The following CD36 variants were observed in gnomAD, a reference collection of about 807,000 sequenced individuals.
CD36 encodes the protein CD36 molecule (CD36 blood group).
Under a neutral mutation model 55.2 loss-of-function variants are expected in CD36, and 119 were observed. The ratio of observed to expected loss-of-function variants is 2.15; its 90% confidence interval spans 1.86 to 2.51. The LOEUF (loss-of-function observed/expected upper bound fraction) is 2.51. Ranked by LOEUF, CD36 falls within the 30% of genes most tolerant of loss-of-function variation. The probability of loss-of-function intolerance (pLI) is 0.00; values close to 1 mark genes in which losing one functional copy is unlikely to be tolerated. For synonymous variants in CD36, 186 were observed against 193.6 expected, an observed-to-expected ratio of 0.96 and a Z score of 0.33; for missense variants, 819 against 555.5, an observed-to-expected ratio of 1.47 and a Z score of -4.77.
chr7:80,608,205 A>G (rs1368618838), intron 1 of CD36, among the ~76,000 whole-genome samples: 1 of 152,222 alleles, frequency 6.6e-6, no homozygotes, highest in Non-Finnish European at 1.5e-5. Flanking sequence ...CCTGCAAATT[A>G]TTTTAAAATA....
intron 3 of CD36, among the ~76,000 whole-genome samples, chr7:80,650,132 A>G (rs1010427681): frequency 4.0e-5 from 6 of 150,750 alleles, no homozygotes; most frequent in African/African-American, 1.2e-4. Context: ...TTCAAACTCA[A>G]GGAGGTGGTA....
intron 3 of CD36, among the ~76,000 whole-genome samples, chr7:80,648,427 T>G (rs3211813): frequency 0.013 from 1,977 of 152,286 alleles, 49 homozygotes; most frequent in African/African-American, 0.043. Flanking sequence ...TAACTGAGTA[T>G]TGATGATTTA....
chr7:80,672,806 C>T lies in CD36; in HGVS notation c.1162C>T (p.Gln388Ter). ...CACTTTACAATTTGCAAAACGGCTGCAGGTCAACCTATTGGTCAAGCCATC... is the reference window on the plus strand; with the variant it reads ...CACTTTACAATTTGCAAAACGGCTGTAGGTCAACCTATTGGTCAAGCCATC... Reference protein sequence around the residue: ...GFTLQFAKRLQVNLLVKPSEK... With the variant: ...GFTLQFAKRL The change falls in exon 12 of 15, where the codon CAG (glutamine) becomes TAG (stop). Residue 388 changes from glutamine to a stop codon, truncating the protein, a stop_gained. Transcript: ENST00000447544. LOFTEE classifies it high-confidence loss of function. 1.2e-6 allele frequency: 2 copies of T among 1,610,774 alleles called. No homozygotes were observed. Among genetic ancestry groups the T allele is most frequent in the Non-Finnish European group, 1.7e-6 (2 of 1,178,048 alleles).
chr7:80,672,479 A>ATCTGAGATCTTATATT (rs1273263120), intron 11 of CD36, among the ~76,000 whole-genome samples: 1 of 151,836 alleles, frequency 6.6e-6, no homozygotes, highest in African/African-American at 2.4e-5. Context: ...ACCAGGAATT[A>ATCTGAGATCTTATATT]TCTGAGATCT....
At position 80,677,615 on chromosome 7, in the gene CD36, AAGATATTAAT is replaced by A. The variant is rs1440249789; in HGVS notation, c.*1234_*1243del. On this transcript the variant is annotated 3_prime_UTR_variant, in exon 15 of 15. Coordinates refer to ENST00000447544, the MANE Select transcript of CD36 (RefSeq NM_001001548.3). ...GGGAAGATAAAAGAAGTATCTGTCC[AAGATATTAAT>A]ATGTAAGATAACATTGTAGACATGT... is the stretch of plus-strand genomic sequence containing the variant. The A allele has an allele frequency of 6.6e-6, 1 of 152,200 alleles. No homozygotes were observed. Among genetic ancestry groups the A allele is most frequent in the Non-Finnish European group, 1.5e-5 (1 of 68,032 alleles). 9.4% of individuals were successfully genotyped at this position (152,200 alleles called of 1,614,324 possible).
At chr7:80,657,820 AGTT>A (rs1796210721) in intron 4 of CD36, among the ~76,000 whole-genome samples, 3 of 152,220 alleles carry the variant, frequency 2.0e-5, no homozygotes, top group African/African-American at 7.2e-5. Context: ...AATCACAACT[AGTT>A]ATACACCATG....
chr7:80,613,192 TTAC>T (rs1157400463), intron 1 of CD36, among the ~76,000 whole-genome samples: 1 of 152,104 alleles, frequency 6.6e-6, no homozygotes, highest in Non-Finnish European at 1.5e-5. Flanking sequence ...CATAATTGTA[TTAC>T]TTTCTTTACA....
chr7:80,614,880 T>G (rs1793063863), intron 1 of CD36, among the ~76,000 whole-genome samples: 1 of 152,192 alleles, frequency 6.6e-6, no homozygotes, highest in Non-Finnish European at 1.5e-5. Context: ...TTTGTTCCTT[T>G]GACCTTTTGT....
At chr7:80,630,028 A>G (rs1793983924) in intron 1 of CD36, among the ~76,000 whole-genome samples, 1 of 152,150 alleles carries the variant, frequency 6.6e-6, no homozygotes, top group African/African-American at 2.4e-5. Context: ...CAGATAAGCC[A>G]GGGAAAAATT....
At chr7:80,635,389 C>T (rs1794335131), upstream of CD36, among the ~76,000 whole-genome samples, 1 of 152,068 alleles carries the variant, frequency 6.6e-6, no homozygotes, top group Non-Finnish European at 1.5e-5. Context: ...ATTTTCCTGT[C>T]TCAGCCTCCT....
At chr7:80,655,850 G>A (rs528026947) in intron 3 of CD36, among the ~76,000 whole-genome samples, 1 of 151,746 alleles carries the variant, frequency 6.6e-6, no homozygotes, top group African/African-American at 2.4e-5. Flanking sequence ...GAGCCTGGGA[G>A]GTCAAGGCTG....
At chr7:80,667,758 T>TTTTTTG (rs1797257504) in intron 8 of CD36, among the ~76,000 whole-genome samples, 2 of 141,786 alleles carry the variant, frequency 1.4e-5, no homozygotes, top group African/African-American at 5.2e-5. Flanking sequence ...TTTTTTTTTT[T>TTTTTTG]TTTTTTTTTT....
At chr7:80,627,663 A>G (rs888183492) in intron 1 of CD36, among the ~76,000 whole-genome samples, 3 of 152,084 alleles carry the variant, frequency 2.0e-5, no homozygotes, top group Admixed American at 6.6e-5. Context: ...GAGGATTTTC[A>G]ACAGGCAAAA....
At chr7:80,659,387 GT>G (rs1796348966) in intron 4 of CD36, among the ~76,000 whole-genome samples, 2 of 152,112 alleles carry the variant, frequency 1.3e-5, no homozygotes, top group Non-Finnish European at 2.9e-5. Flanking sequence ...TCTTATGTGT[GT>G]TTCTACCTAC....
intron 7 of CD36, among the ~76,000 whole-genome samples, chr7:80,664,789 C>A (rs548342747): frequency 9.3e-5 from 14 of 150,922 alleles, no homozygotes; most frequent in Admixed American, 2.6e-4. Context: ...TTTTTCATCT[C>A]TGCTACTTAT....
intron 9 of CD36, chr7:80,670,359 C>A: frequency 3.1e-6 from 1 of 326,160 alleles, no homozygotes; most frequent in East Asian, 7.9e-5. Flanking sequence ...ATTTGTGGGG[C>A]CCAGTAGATA....
chr7:80,674,297 A>G (rs1335128564), intron 14 of CD36, 150 bp downstream of exon 14: 3 of 615,656 alleles, frequency 4.9e-6, no homozygotes, highest in Middle Eastern at 8.7e-4. Flanking sequence ...AAATAAACCT[A>G]TAAATATTAT....
chr7:80,617,737 A>T (rs1224153126), intron 1 of CD36, among the ~76,000 whole-genome samples: 2 of 152,094 alleles, frequency 1.3e-5, no homozygotes, highest in African/African-American at 4.8e-5. Flanking sequence ...CAAAAAAAAA[A>T]AAAAAAAAAT....
At chr7:80,658,638 G>C (rs552895655) in intron 4 of CD36, among the ~76,000 whole-genome samples, 1 of 152,156 alleles carries the variant, frequency 6.6e-6, no homozygotes, top group East Asian at 1.9e-4. Flanking sequence ...GACCACAGGC[G>C]CATGCCACTA....
Sources: allele counts gnomAD v4.1 joint callset (sites outside exome capture counted in the v4.1 genomes callset), GRCh38; gene constraint gnomAD v4.1.1; transcripts MANE v1.5; gene names NCBI Gene and HGNC (gene_info 2026-07-23, HGNC 2026-07-21).